The following ERC2 variants were observed in gnomAD, a reference collection of about 807,000 sequenced individuals.
ERC2 encodes ELKS/RAB6-interacting/CAST family member 2.
ERC2 carries 42 observed loss-of-function variants against 114.8 expected under a neutral mutation model. The observed-to-expected ratio is 0.37, with a 90% CI of 0.29 to 0.47. The LOEUF (loss-of-function observed/expected upper bound fraction) is 0.47. Ranked by LOEUF, ERC2 falls within the 20% of genes least tolerant of loss-of-function variation. ERC2 has a pLI of 0.99. For missense variants in ERC2, 939 were observed against 1,150.7 expected (o/e 0.82, Z 2.66); for synonymous variants, 454 against 425.5 (o/e 1.07, Z -0.82).
intron 14 of ERC2, among the ~76,000 whole-genome samples, chr3:55,795,109 T>A (rs561972796): frequency 1.3e-5 from 2 of 152,194 alleles, no homozygotes; most frequent in Admixed American, 1.3e-4. Flanking sequence ...CAGCTTTTTT[T>A]AAATCCTAAA....
intron 2 of ERC2, among the ~76,000 whole-genome samples, chr3:56,355,660 AGTCAGATGACTCCT>A (rs1306210248): frequency 6.6e-6 from 1 of 152,170 alleles, no homozygotes; most frequent in Non-Finnish European, 1.5e-5. Context: ...CCAGACGATG[AGTCAGATGACTCCT>A]CCATCCAATG....
Position 55,889,503 on chromosome 3 carries a change from A to G in ERC2, c.2404-954T>C, listed in dbSNP as rs560381195. 1.6e-3 allele frequency among the ~76,000 whole-genome samples: 238 copies of G among 152,306 alleles called. 1 individual carries two copies. The highest frequency in any genetic ancestry group is 5.5e-3 in the African/African-American group (229 of 41,570). On this transcript the variant is annotated intron_variant, in intron 13 of 17. Transcript: ENST00000288221. ...ATCCACGGTTTTCAGCCAGGTCCCAAAAAATGAGACCCAGGAGCCCTGAGG... is the reference window on the plus strand; with the variant it reads ...ATCCACGGTTTTCAGCCAGGTCCCAGAAAATGAGACCCAGGAGCCCTGAGG...
At chr3:55,940,744 CAG>C (rs2066734597) in intron 13 of ERC2, among the ~76,000 whole-genome samples, 1 of 152,194 alleles carries the variant, frequency 6.6e-6, no homozygotes, top group Admixed American at 6.5e-5. Context: ...GAACTGAAGG[CAG>C]AGTCTTACAC....
Position 55,585,891 on chromosome 3 carries a change from CA to C in ERC2, c.*40-74616del, listed in dbSNP as rs1158656780. On this transcript the variant is annotated intron_variant, in intron 17 of 17. Transcript: ENST00000288221. The stretch of plus-strand genomic sequence containing the variant: ...TGGTTTCGGCTTTGATGCTGATAAA[CA>C]AAGCGAGGCAGAGCAGAACCGCAGA... Among the ~76,000 whole-genome samples the C allele has an allele frequency of 2.0e-5, 3 of 152,198 alleles. No homozygotes were observed. The East Asian group carries it at 5.8e-4, about 29-fold the overall frequency.
At chr3:56,205,649 C>A (rs1006652834) in intron 3 of ERC2, among the ~76,000 whole-genome samples, 3 of 152,164 alleles carry the variant, frequency 2.0e-5, no homozygotes, top group Non-Finnish European at 4.4e-5. Flanking sequence ...CCGAAACTAC[C>A]ACCAGGTCAC....
intron 17 of ERC2, among the ~76,000 whole-genome samples, chr3:55,600,414 C>T (rs186246266): frequency 2.1e-4 from 32 of 152,264 alleles, no homozygotes; most frequent in Admixed American, 1.6e-3. Flanking sequence ...TTTAAGAGCA[C>T]ACATCAAGAT....
At chr3:56,175,343 AT>A (rs1045342017) in intron 3 of ERC2, among the ~76,000 whole-genome samples, 1 of 152,152 alleles carries the variant, frequency 6.6e-6, no homozygotes, top group African/African-American at 2.4e-5. Flanking sequence ...CAGTCAGGAT[AT>A]TTTTTCCCCT....
At chr3:55,887,848 G>C (rs188606396) in intron 14 of ERC2, among the ~76,000 whole-genome samples, 1 of 152,196 alleles carries the variant, frequency 6.6e-6, no homozygotes, top group East Asian at 1.9e-4. Context: ...GGGGTGTGGC[G>C]GGGTGTGGGA....
chr3:55,891,193 G>A (rs897251538), intron 13 of ERC2, among the ~76,000 whole-genome samples: 1 of 152,060 alleles, frequency 6.6e-6, no homozygotes, highest in African/African-American at 2.4e-5. Context: ...TCATTTCCAG[G>A]TAGAAACATT....
At chr3:56,404,023 A>T (rs1278583902) in intron 2 of ERC2, among the ~76,000 whole-genome samples, 1 of 152,244 alleles carries the variant, frequency 6.6e-6, no homozygotes, top group African/African-American at 2.4e-5. Flanking sequence ...TAAACTTGTG[A>T]TCAGCAGGTT....
intron 17 of ERC2, among the ~76,000 whole-genome samples, chr3:55,525,989 G>T (rs1261763500): frequency 6.6e-6 from 1 of 152,192 alleles, no homozygotes; most frequent in East Asian, 1.9e-4. Context: ...TTTGAATTAA[G>T]ATAAGGTTAT....
chr3:56,286,074 T>C (rs1053198063), intron 3 of ERC2, among the ~76,000 whole-genome samples: 8 of 152,124 alleles, frequency 5.3e-5, no homozygotes, highest in Non-Finnish European at 1.2e-4. Flanking sequence ...CAATACCCAA[T>C]GTGTTAGGAA....
rs1272447939 is a variant in ERC2 at position 56,347,446 on chromosome 3, C to G, written c.658-51011G>C. Among the ~76,000 whole-genome samples the G allele has an allele frequency of 2.6e-5, 4 of 151,992 alleles. No homozygotes were observed. In the East Asian group the frequency reaches 7.7e-4, roughly 29 times the overall value. The stretch of plus-strand genomic sequence containing the variant: ...GGAGGAAGGCTTGGCCCGTTCCTCC[C>G]TGTCTGATTCCTATTGGCTTCCTGC... On this transcript the variant is annotated intron_variant, in intron 2 of 17. Coordinates refer to ENST00000288221, the MANE Select transcript of ERC2 (RefSeq NM_015576.3).
At chr3:56,042,395 G>A (rs1000010263) in intron 7 of ERC2, among the ~76,000 whole-genome samples, 2 of 152,180 alleles carry the variant, frequency 1.3e-5, no homozygotes, top group Admixed American at 6.5e-5. Flanking sequence ...CATTCCTATC[G>A]TGGGGCTGGC....
intron 6 of ERC2, among the ~76,000 whole-genome samples, chr3:56,129,584 C>A (rs1442227976): frequency 1.3e-5 from 2 of 152,110 alleles, no homozygotes; most frequent in Non-Finnish European, 1.5e-5. Context: ...ACAGACATGA[C>A]AGAAATACAT....
chr3:56,300,765 G>A (rs548693702), intron 2 of ERC2, among the ~76,000 whole-genome samples: 6 of 152,144 alleles, frequency 3.9e-5, no homozygotes, highest in Non-Finnish European at 7.3e-5. Flanking sequence ...ACCCACCTAC[G>A]TAAGTGGTAC....
intron 15 of ERC2, among the ~76,000 whole-genome samples, chr3:55,713,831 G>A (rs1433884032): frequency 6.6e-6 from 1 of 152,116 alleles, no homozygotes; most frequent in Non-Finnish European, 1.5e-5. Context: ...ATTTCTCCAT[G>A]TGGTAAAAAA....
intron 3 of ERC2, among the ~76,000 whole-genome samples, chr3:56,226,909 A>G (rs2050283067): frequency 6.6e-6 from 1 of 152,164 alleles, no homozygotes; most frequent in African/African-American, 2.4e-5. Flanking sequence ...TGATTACTCC[A>G]AAGACATTGG....
At chr3:56,452,699 G>T (rs2062874635) in intron 1 of ERC2, among the ~76,000 whole-genome samples, 1 of 152,160 alleles carries the variant, frequency 6.6e-6, no homozygotes, top group Admixed American at 6.5e-5. Context: ...CACTGGATTT[G>T]AGACCTGAAT....
Sources: gnomAD v4.1 joint callset for allele counts (sites outside exome capture counted in the v4.1 genomes callset) on GRCh38, gnomAD v4.1.1 for gene constraint, MANE v1.5 for transcripts, NCBI Gene and HGNC (gene_info 2026-07-23, HGNC 2026-07-21) for gene names.